The following ATXN7 variants were observed in gnomAD, a reference collection of about 807,000 sequenced individuals.
ATXN7 encodes the protein ataxin 7.
ATXN7 carries 12 observed loss-of-function variants against 70.5 expected under a neutral mutation model. That is an observed-to-expected ratio of 0.17 (90% confidence interval 0.11 to 0.28). The LOEUF (loss-of-function observed/expected upper bound fraction) is 0.28. Among genes scored for constraint, ATXN7 ranks in the 10% least tolerant of loss-of-function variants. The pLI is 1.00. For synonymous variants in ATXN7, 498 were observed against 448.7 expected, an observed-to-expected ratio of 1.11 and a Z score of -1.39; for missense variants, 1,256 against 1,131.7, an observed-to-expected ratio of 1.11 and a Z score of -1.58.
At chr3:63,947,051 G>T (rs931316866) in intron 4 of ATXN7, among the ~76,000 whole-genome samples, 1 of 152,170 alleles carries the variant, frequency 6.6e-6, no homozygotes, top group African/African-American at 2.4e-5. Context: ...GAGTCTAGCA[G>T]ACCTGGGTTT....
intron 1 of ATXN7, among the ~76,000 whole-genome samples, chr3:63,893,007 T>C (rs1469042783): frequency 6.6e-6 from 1 of 152,088 alleles, no homozygotes; most frequent in African/African-American, 2.4e-5. Flanking sequence ...GTGGAGGGAA[T>C]GGTTTTAAGC....
intron 2 of ATXN7, among the ~76,000 whole-genome samples, chr3:63,908,249 A>C (rs1384149310): frequency 6.6e-6 from 1 of 152,158 alleles, no homozygotes; most frequent in African/African-American, 2.4e-5. Context: ...TTCTCCCTCT[A>C]CTGGAATACT....
At chr3:63,942,099 C>T (rs2074778951) in intron 4 of ATXN7, among the ~76,000 whole-genome samples, 1 of 152,076 alleles carries the variant, frequency 6.6e-6, no homozygotes, top group Non-Finnish European at 1.5e-5. Context: ...CAGAGGTACC[C>T]GCAGGAGTCT....
rs763658877 is a variant in ATXN7, at chr3:63,990,859, A to G, written c.1682A>G (p.Lys561Arg). Residue 561 changes from lysine (K) to arginine (R), a missense_variant and splice_region_variant, in exon 11 of 13, where the codon AAG becomes AGG. By Grantham distance (26) the Lys-to-Arg change is conservative. Transcript: ENST00000674280. ...AAGCATCTGAATGCACAGCTATGGAAGTGAGTGCCTGTTGTTCTTGGGAGA... is the reference window on the plus strand; with the variant it reads ...AAGCATCTGAATGCACAGCTATGGAGGTGAGTGCCTGTTGTTCTTGGGAGA... ...VEKHLNAQLWKKIPPVPSTTS... is the reference protein window; with the variant it reads ...VEKHLNAQLWRKIPPVPSTTS... 3.1e-6 allele frequency: 5 copies of G among 1,614,100 alleles called. No homozygotes were observed. The Admixed American group carries it at 8.3e-5, about 27-fold the overall frequency.
Position 63,939,284 on chromosome 3 carries a change from C to A in ATXN7, c.395-13095C>A, listed in dbSNP as rs537466710. 1.5e-4 allele frequency among the ~76,000 whole-genome samples: 23 copies of A among 152,260 alleles called. No individual in the cohort carries two copies. The South Asian group carries it at 3.7e-3, about 25-fold the overall frequency. On this transcript the variant is annotated intron_variant, in intron 4 of 12. Transcript: ENST00000674280. Reference sequence around the variant, plus strand: ...CACCACCTTTGTATCCAGGCTATTACAAAGTCATGTCAACAGTTCCTTCTA... The same window carrying A: ...CACCACCTTTGTATCCAGGCTATTAAAAAGTCATGTCAACAGTTCCTTCTA...
intron 4 of ATXN7, among the ~76,000 whole-genome samples, chr3:63,932,658 G>T (rs925271927): frequency 1.3e-5 from 2 of 152,192 alleles, no homozygotes; most frequent in Admixed American, 1.3e-4. Context: ...CACAGGTTAT[G>T]TGCTGTCCCT....
intron 2 of ATXN7, chr3:63,904,007 A>G (rs1703744530): frequency 6.6e-6 from 1 of 152,130 alleles, no homozygotes. Context: ...CACAGTATTG[A>G]TTGTATAACT....
intron 5 of ATXN7, among the ~76,000 whole-genome samples, chr3:63,976,458 C>T (rs766917976): frequency 6.6e-6 from 1 of 152,184 alleles, no homozygotes; most frequent in Admixed American, 6.5e-5. Flanking sequence ...ATGAAAAATT[C>T]ACATGATAGA....
At chr3:63,865,738 A>G (rs1395692576) in intron 1 of ATXN7, among the ~76,000 whole-genome samples, 1 of 151,008 alleles carries the variant, frequency 6.6e-6, no homozygotes, top group East Asian at 1.9e-4. Context: ...AAAAAAAAAT[A>G]CAAAAAATTA....
At chr3:63,867,705 T>C (rs1166199056) in intron 1 of ATXN7, among the ~76,000 whole-genome samples, 4 of 151,958 alleles carry the variant, frequency 2.6e-5, no homozygotes. Flanking sequence ...CTGGCCAACA[T>C]GGTGAAACCC....
At chr3:63,983,209 G>T (rs2075518517) in intron 8 of ATXN7, among the ~76,000 whole-genome samples, 188 bp downstream of exon 8, 1 of 152,214 alleles carries the variant, frequency 6.6e-6, no homozygotes, top group Non-Finnish European at 1.5e-5. Context: ...GAAGTGCGTT[G>T]TTATAAATTA....
intron 11 of ATXN7, among the ~76,000 whole-genome samples, chr3:63,992,376 G>A (rs1200705838): frequency 2.0e-5 from 3 of 152,124 alleles, no homozygotes; most frequent in Admixed American, 1.3e-4. Context: ...ACTGGGTTTG[G>A]GGGTTCTGCA....
At chr3:63,955,299 A>C (rs778057746) in intron 5 of ATXN7, among the ~76,000 whole-genome samples, 9 of 152,186 alleles carry the variant, frequency 5.9e-5, no homozygotes, top group Non-Finnish European at 1.0e-4. Flanking sequence ...GATGAGGGCC[A>C]AGTGCTCTGA....
intron 4 of ATXN7, among the ~76,000 whole-genome samples, chr3:63,947,797 A>G (rs948857015): frequency 1.3e-5 from 2 of 152,110 alleles, no homozygotes; most frequent in African/African-American, 4.8e-5. Flanking sequence ...GTGAGAATAC[A>G]CCAGGCATCT....
intron 5 of ATXN7, among the ~76,000 whole-genome samples, chr3:63,963,090 A>G (rs943350466): frequency 6.6e-6 from 1 of 151,250 alleles, no homozygotes; most frequent in African/African-American, 2.4e-5. Flanking sequence ...TAATTTTTGT[A>G]TTTTTTGTAG....
chr3:63,942,295 A>G (rs2107365912), intron 4 of ATXN7, among the ~76,000 whole-genome samples: 1 of 152,294 alleles, frequency 6.6e-6, no homozygotes, highest in East Asian at 1.9e-4. Context: ...CTGCTTACTG[A>G]CTTTGTGACA....
rs34660611 is a variant in ATXN7, at chr3:63,940,285, TCACACACA to T, written c.395-12059_395-12052del. On this transcript the variant is annotated intron_variant, in intron 4 of 12. Transcript: ENST00000674280. Reference sequence around the variant, plus strand: ...GCTGGAGCATTGAGGCCATGCCCCATCACACACACACACACACACACACACACACACAC... The same window carrying T: ...GCTGGAGCATTGAGGCCATGCCCCATCACACACACACACACACACACACAC... Among the ~76,000 whole-genome samples the T allele has an allele frequency of 3.5e-3, 499 of 141,478 alleles. 4 individuals carry two copies. The highest frequency in any genetic ancestry group is 7.3e-3 in the South Asian group (32 of 4,358). 92.8% of individuals were successfully genotyped at this position (141,478 alleles called of 152,430 possible). A position where few individuals can be genotyped will look rare whatever the true frequency, so the allele number is the denominator to read the frequency against.
At chr3:63,978,599 C>T (rs940791879) in intron 5 of ATXN7, among the ~76,000 whole-genome samples, 1 of 152,240 alleles carries the variant, frequency 6.6e-6, no homozygotes, top group African/African-American at 2.4e-5. Flanking sequence ...ACACAGCTTT[C>T]ATTTTGGGGT....
At chr3:63,889,736 C>T (rs1265491517) in intron 1 of ATXN7, among the ~76,000 whole-genome samples, 1 of 152,160 alleles carries the variant, frequency 6.6e-6, no homozygotes, top group African/African-American at 2.4e-5. Context: ...CAGCACATGG[C>T]AGTGAATAAG....
Sources: allele counts gnomAD v4.1 joint callset (sites outside exome capture counted in the v4.1 genomes callset), GRCh38; gene constraint gnomAD v4.1.1; transcripts MANE v1.5; gene names NCBI Gene and HGNC (gene_info 2026-07-23, HGNC 2026-07-21).